Variants in CACNA2D4 observed in about 807,000 individuals in gnomAD.
CACNA2D4 encodes the protein voltage-dependent calcium channel subunit alpha-2/delta-4.
In CACNA2D4, 157 loss-of-function variants were observed where a neutral mutation model predicts 163.8. The ratio of observed to expected loss-of-function variants is 0.96; its 90% CI spans 0.84 to 1.09. The LOEUF (loss-of-function observed/expected upper bound fraction) is 1.09. Ranked by LOEUF, CACNA2D4 falls within the 50% of genes least tolerant of loss-of-function variation. The pLI, the probability that CACNA2D4 is intolerant of heterozygous loss-of-function variation, is 0.00. For synonymous variants in CACNA2D4, 598 were observed against 586.9 expected (o/e 1.02, Z -0.27); for missense variants, 1,410 against 1,479.9 (o/e 0.95, Z 0.78).
chr12:1,915,141 T>A (rs962679306), intron 1 of CACNA2D4: 11 of 703,394 alleles, frequency 1.6e-5, no homozygotes, highest in Middle Eastern at 4.6e-4. Context: ...CCCACACACA[T>A]GCATATGCAT....
intron 18 of CACNA2D4, among the ~76,000 whole-genome samples, chr12:1,864,027 T>C (rs1319366486): frequency 6.6e-6 from 1 of 152,142 alleles, no homozygotes; most frequent in Non-Finnish European, 1.5e-5. Context: ...CAGCCGTGAG[T>C]GGCCGGGCCC....
rs754105964 is a variant in CACNA2D4, at chr12:1,875,202, TG to T, written c.1806+48del. ...CAGCCACACAGCTGACCCATTTAGT[TG>T]GATGTAGAGCCTAACTAGCTTCCCT... On this transcript the variant is annotated intron_variant, in intron 17 of 37. Coordinates refer to ENST00000382722, the MANE Select transcript of CACNA2D4 (RefSeq NM_172364.5). The surrounding 1 kb of genome is among the most constrained non-coding windows in gnomAD (Gnocchi z 4.0). 2 of 1,328,654 alleles carry T rather than the reference TG, an allele frequency of 1.5e-6. No homozygotes were observed. Among genetic ancestry groups the T allele is most frequent in the African/African-American group, 2.9e-5 (2 of 69,510 alleles). The allele number at this position is 1,328,654 out of a possible 1,614,324, so 82.3% of individuals were successfully genotyped here. A position where few individuals can be genotyped will look rare whatever the true frequency, so the allele number is the denominator to read the frequency against.
chr12:1,902,420 C>T (rs558337931), intron 6 of CACNA2D4, among the ~76,000 whole-genome samples: 10 of 152,054 alleles, frequency 6.6e-5, no homozygotes, highest in Admixed American at 3.9e-4. Flanking sequence ...AGGAATAAGT[C>T]AAATTATCCT....
At chr12:1,800,787 T>G (rs1161270114) in intron 31 of CACNA2D4, 1 of 594,124 alleles carries the variant, frequency 1.7e-6, no homozygotes, top group African/African-American at 1.9e-5. Flanking sequence ...CAGGCTGCTC[T>G]CTCTGTCTCC....
At chr12:1,849,385 GAAT>G (rs1378573005) in intron 23 of CACNA2D4, among the ~76,000 whole-genome samples, 1 of 152,108 alleles carries the variant, frequency 6.6e-6, no homozygotes, top group African/African-American at 2.4e-5. Flanking sequence ...TCTCTATTCA[GAAT>G]AACAATGCCA....
At chr12:1,860,544 C>T (rs750554556) in intron 18 of CACNA2D4, among the ~76,000 whole-genome samples, 20 of 152,210 alleles carry the variant, frequency 1.3e-4, no homozygotes, top group Non-Finnish European at 1.8e-4. Flanking sequence ...TAAATTTAAA[C>T]TTAGTTAGCA....
chr12:1,839,440 G>A (rs947625242), intron 26 of CACNA2D4, among the ~76,000 whole-genome samples: 2 of 152,272 alleles, frequency 1.3e-5, no homozygotes, highest in African/African-American at 2.4e-5. Flanking sequence ...GGAGAAGCTT[G>A]TGAGGGTCAC....
At chr12:1,870,931 C>G (rs548719840) in intron 18 of CACNA2D4, among the ~76,000 whole-genome samples, 1 of 152,202 alleles carries the variant, frequency 6.6e-6, no homozygotes, top group African/African-American at 2.4e-5. Flanking sequence ...TGTAAGAGCA[C>G]GTCACAGAGT....
intron 24 of CACNA2D4, among the ~76,000 whole-genome samples, chr12:1,845,614 G>A (rs1380474000): frequency 6.6e-6 from 1 of 152,102 alleles, no homozygotes; most frequent in East Asian, 1.9e-4. Context: ...TGCTCTCCAG[G>A]TGCCTGAAGG....
At chr12:1,894,573 G>C (rs1193850437) in intron 6 of CACNA2D4, among the ~76,000 whole-genome samples, 1 of 152,014 alleles carries the variant, frequency 6.6e-6, no homozygotes, top group Non-Finnish European at 1.5e-5. Flanking sequence ...AGGGATGCAA[G>C]GATGGTTCAA....
rs144341545 is a variant in CACNA2D4 at position 1,792,807 on chromosome 12, C to T, written c.*848G>A. ...GTAGATTCTTTTGTAAATCATTGGCCAGAAAAGAGCACAACCACTGCTCTT... is the reference window on the plus strand; with the variant it reads ...GTAGATTCTTTTGTAAATCATTGGCTAGAAAAGAGCACAACCACTGCTCTT... On this transcript the variant is annotated 3_prime_UTR_variant, in exon 38 of 38. Coordinates refer to ENST00000382722, the MANE Select transcript of CACNA2D4 (RefSeq NM_172364.5). 1.3e-5 allele frequency: 2 copies of T among 152,282 alleles called. No individual in the cohort carries two copies. Among genetic ancestry groups the T allele is most frequent in the African/African-American group, 4.8e-5 (2 of 41,554 alleles). The allele number at this position is 152,282 out of a possible 1,614,324, so 9.4% of individuals were successfully genotyped here. A position where few individuals can be genotyped will look rare whatever the true frequency, so the allele number is the denominator to read the frequency against.
At chr12:1,881,974 C>T (rs1866011065) in intron 13 of CACNA2D4, among the ~76,000 whole-genome samples, 1 of 152,376 alleles carries the variant, frequency 6.6e-6, no homozygotes, top group Admixed American at 6.5e-5. Flanking sequence ...TTTGTCAGCA[C>T]AGGGACTGAG....
rs1469389297 is a variant in CACNA2D4, at chr12:1,829,406, G to A, written c.2551+11333C>T. On this transcript the variant is annotated intron_variant, in intron 26 of 37. Transcript: ENST00000382722. This position sits in a 1 kb window ranked among gnomAD's most constrained non-coding sequence, Gnocchi z 4.2. ...CGGGCTCAGAGGGGTGAGAGGGTGAGCGGAGACATGAGGTAACCCAAGATG... is the reference window on the plus strand; with the variant it reads ...CGGGCTCAGAGGGGTGAGAGGGTGAACGGAGACATGAGGTAACCCAAGATG... Among the ~76,000 whole-genome samples the A allele has an allele frequency of 1.3e-5, 2 of 152,096 alleles. No homozygotes were observed. Among genetic ancestry groups the A allele is most frequent in the African/African-American group, 4.8e-5 (2 of 41,418 alleles).
At chr12:1,862,116 C>T (rs553353607) in intron 18 of CACNA2D4, among the ~76,000 whole-genome samples, 4 of 152,210 alleles carry the variant, frequency 2.6e-5, no homozygotes, top group Non-Finnish European at 5.9e-5. Flanking sequence ...TATGCTTCTA[C>T]GCTCATCGAT....
rs768659838 is a variant in CACNA2D4 at position 1,795,333 on chromosome 12, C to T, written c.3275G>A (p.Arg1092Gln). Residue 1092 changes from arginine to glutamine, a missense_variant, in exon 37 of 38, where the codon CGG becomes CAG. Transcript: ENST00000382722. ...GAAGGCGTGGCAGGAGTCTGGTCGCCGGCGGAGCTTCTGGGAGCGCATCCG... is the reference window on the plus strand; with the variant it reads ...GAAGGCGTGGCAGGAGTCTGGTCGCTGGCGGAGCTTCTGGGAGCGCATCCG... The part of the protein sequence containing the change: ...CDRMRSQKLR[R>Q]RPDSCHAFHP... 2.5e-6 allele frequency: 4 copies of T among 1,612,834 alleles called. No individual in the cohort carries two copies. Among genetic ancestry groups the T allele is most frequent in the South Asian group, 2.2e-5 (2 of 91,028 alleles).
intron 1 of CACNA2D4, 175 bp downstream of exon 1, chr12:1,918,072 G>A: frequency 1.7e-6 from 1 of 595,716 alleles, no homozygotes. Context: ...GGAGAAAGAG[G>A]AGGCCGGAGA....
Position 1,820,318 on chromosome 12 carries a change from C to G in CACNA2D4, c.2552-8595G>C, listed in dbSNP as rs1864040799. 6.6e-6 allele frequency: 1 copy of G among 152,230 alleles called. No homozygotes were observed. Among genetic ancestry groups the G allele is most frequent in the Non-Finnish European group, 1.5e-5 (1 of 68,042 alleles). 9.4% of individuals were successfully genotyped at this position (152,230 alleles called of 1,614,324 possible). Reference sequence around the variant, plus strand: ...GGTGGTGAAACCGCTTTCCTCCTCCCTGTGGTCGGCAGCGATTCATCCACA... The same window carrying G: ...GGTGGTGAAACCGCTTTCCTCCTCCGTGTGGTCGGCAGCGATTCATCCACA... On this transcript the variant is annotated intron_variant, in intron 26 of 37. Transcript: ENST00000382722. This position sits in a 1 kb window ranked among gnomAD's most constrained non-coding sequence, Gnocchi z 6.0.
Position 1,844,471 on chromosome 12 carries a change from A to G in CACNA2D4, c.2401T>C (p.Trp801Arg), listed in dbSNP as rs770532462. ...SVFTLDRFPL[W>R]YRQASEHPAG... ...GGATGCTCTGAGGCCTGGCGGTACC[A>G]CAGCGGGAAGCGGTCCAGGGTGAAC... The change falls in exon 25 of 38, where the codon TGG becomes CGG. Residue 801 changes from tryptophan to arginine, a missense_variant. Transcript: ENST00000382722. This position sits in a 1 kb window ranked among gnomAD's most constrained non-coding sequence, Gnocchi z 4.2. The G allele has an allele frequency of 3.1e-6, 5 of 1,613,502 alleles. No individual in the cohort carries two copies. The highest frequency in any genetic ancestry group is 4.2e-6 in the Non-Finnish European group (5 of 1,179,804).
At chr12:1,831,278 G>A in intron 26 of CACNA2D4, 1 of 1,613,696 alleles carries the variant, frequency 6.2e-7, no homozygotes, top group Non-Finnish European at 8.5e-7. Flanking sequence ...ACCTGCTGCG[G>A]CACTCGCCGC....
Sources: allele counts gnomAD v4.1 joint callset (sites outside exome capture counted in the v4.1 genomes callset), GRCh38; gene constraint gnomAD v4.1.1; non-coding constraint Gnocchi (gnomAD v3.1); transcripts MANE v1.5; gene names NCBI Gene and HGNC (gene_info 2026-07-23, HGNC 2026-07-21).